Variants in LRRC37A2 observed in about 807,000 individuals in gnomAD.
LRRC37A2 encodes the protein leucine-rich repeat-containing protein 37A2.
Under a neutral mutation model 68.8 loss-of-function variants are expected in LRRC37A2, and 9 were observed. The observed-to-expected ratio is 0.13, with a 90% CI of 0.08 to 0.23. The LOEUF (loss-of-function observed/expected upper bound fraction) is 0.23. LRRC37A2 is among the 10% of genes least tolerant of loss of function. LRRC37A2 has a pLI of 1.00. For missense variants in LRRC37A2, 168 were observed against 950.4 expected (o/e 0.18, Z 10.82); for synonymous variants, 63 against 367.6 (o/e 0.17, Z 9.48).
the LRRC37A2 span, among the ~76,000 whole-genome samples, chr17:46,735,806 G>T: frequency 2.6e-5 from 4 of 152,092 alleles, no homozygotes; most frequent in African/African-American, 9.7e-5. Context: ...TTAGCTCGAC[G>T]TGGTGGTGTG....
the LRRC37A2 span, among the ~76,000 whole-genome samples, chr17:47,024,088 G>C: frequency 6.6e-6 from 1 of 152,156 alleles, no homozygotes; most frequent in African/African-American, 2.4e-5. Context: ...CAGGTGAGGT[G>C]GCTCATGTCT....
chr17:46,761,413 C>T, the LRRC37A2 span, among the ~76,000 whole-genome samples: 3 of 150,688 alleles, frequency 2.0e-5, no homozygotes, highest in Non-Finnish European at 2.9e-5. Flanking sequence ...CTCATTGCAA[C>T]CTCCGCCTCC....
At chr17:46,790,879 A>C in the LRRC37A2 span, among the ~76,000 whole-genome samples, 1 of 152,232 alleles carries the variant, frequency 6.6e-6, no homozygotes, top group Non-Finnish European at 1.5e-5. Context: ...ACATCGGAAA[A>C]GGACAGGATA....
At chr17:46,747,786 C>A in the LRRC37A2 span, among the ~76,000 whole-genome samples, 1 of 152,136 alleles carries the variant, frequency 6.6e-6, no homozygotes, top group East Asian at 1.9e-4. Context: ...CCTAGAGAAT[C>A]AGTATCCAAC....
the LRRC37A2 span, chr17:46,923,131 G>A: frequency 8.7e-7 from 1 of 1,150,440 alleles, no homozygotes; most frequent in South Asian, 1.3e-5. Context: ...ACCGGAAGGG[G>A]GGCTGTGAGG....
At chr17:47,011,101 C>T in the LRRC37A2 span, among the ~76,000 whole-genome samples, 12 of 152,274 alleles carry the variant, frequency 7.9e-5, no homozygotes, top group Admixed American at 2.0e-4. Context: ...CAAGGGTAGC[C>T]ATCCTGTCCA....
the LRRC37A2 span, among the ~76,000 whole-genome samples, chr17:46,693,311 T>C: frequency 6.6e-6 from 1 of 151,084 alleles, no homozygotes; most frequent in Admixed American, 6.6e-5. Flanking sequence ...TTGAAGCTTA[T>C]AGCTCACCCA....
the LRRC37A2 span, among the ~76,000 whole-genome samples, chr17:46,687,747 A>T: frequency 7.5e-6 from 1 of 133,262 alleles, no homozygotes; most frequent in Non-Finnish European, 1.6e-5. Context: ...TCTAGATTTC[A>T]GTCTGTCATG....
chr17:46,793,095 T>C, the LRRC37A2 span, among the ~76,000 whole-genome samples: 1 of 97,464 alleles, frequency 1.0e-5, no homozygotes, highest in African/African-American at 4.0e-5. Context: ...CAAGACCTTG[T>C]TTCTACTAAA....
chr17:46,785,567 C>T, the LRRC37A2 span, among the ~76,000 whole-genome samples: 12 of 152,344 alleles, frequency 7.9e-5, no homozygotes, highest in South Asian at 1.9e-3. Context: ...ATGCTGTGGA[C>T]GACTTTAGCA....
At chr17:47,006,731 G>C in the LRRC37A2 span, among the ~76,000 whole-genome samples, 1 of 152,348 alleles carries the variant, frequency 6.6e-6, no homozygotes, top group South Asian at 2.1e-4. Context: ...AGGCCCCAGA[G>C]ACGTGCTTCT....
the LRRC37A2 span, among the ~76,000 whole-genome samples, chr17:46,784,965 G>A: frequency 5.3e-5 from 8 of 152,032 alleles, no homozygotes; most frequent in Non-Finnish European, 1.0e-4. Context: ...TTTTAGTAGA[G>A]ACGGGGTTTC....
chr17:47,018,357 C>T, the LRRC37A2 span: 2 of 1,611,238 alleles, frequency 1.2e-6, no homozygotes, highest in East Asian at 4.5e-5. Flanking sequence ...GCCTCTAGAA[C>T]ATCATGAAGT....
At chr17:46,752,911 C>T in the LRRC37A2 span, among the ~76,000 whole-genome samples, 1 of 151,970 alleles carries the variant, frequency 6.6e-6, no homozygotes, top group Non-Finnish European at 1.5e-5. Flanking sequence ...GGATTACAGG[C>T]GCCCACCCAC....
the LRRC37A2 span, chr17:46,940,536 A>G: frequency 6.2e-7 from 1 of 1,614,156 alleles, no homozygotes; most frequent in South Asian, 1.1e-5. Context: ...TGCGACGGCA[A>G]GGCTGTCCTG....
the LRRC37A2 span, among the ~76,000 whole-genome samples, chr17:46,740,462 CAG>C: frequency 6.6e-6 from 1 of 152,004 alleles, no homozygotes. Flanking sequence ...GATTAGAACA[CAG>C]GGGTCAATTT....
the LRRC37A2 span, chr17:46,876,495 T>C: frequency 1.9e-6 from 3 of 1,613,626 alleles, no homozygotes; most frequent in South Asian, 3.3e-5. Flanking sequence ...CTGGTGTACA[T>C]GGAGGACTCA....
chr17:46,768,195 T>G, the LRRC37A2 span: 4 of 1,463,584 alleles, frequency 2.7e-6, no homozygotes. The surrounding 1 kb of genome is among the most constrained non-coding windows in gnomAD (Gnocchi z 5.0). Context: ...CTGTGGGAAC[T>G]TGTGTGTCTT....
chr17:46,998,069 CATCTTATTTGG>C, the LRRC37A2 span, among the ~76,000 whole-genome samples: 1 of 151,928 alleles, frequency 6.6e-6, no homozygotes, highest in East Asian at 1.9e-4. Context: ...ATATTGTGTG[CATCTTATTTGG>C]ATCTTGATTT....
Sources: allele counts gnomAD v4.1 joint callset (sites outside exome capture counted in the v4.1 genomes callset), GRCh38; gene constraint gnomAD v4.1.1; non-coding constraint Gnocchi (gnomAD v3.1); transcripts MANE v1.5; gene names NCBI Gene and HGNC (gene_info 2026-07-23, HGNC 2026-07-21).